Variants in WLS observed in about 807,000 individuals in gnomAD.
The protein encoded by WLS is Wnt ligand secretion mediator, also known as protein wntless homolog.
Under a neutral mutation model 62.8 loss-of-function variants are expected in WLS, and 23 were observed. The ratio of observed to expected loss-of-function variants is 0.37; its 90% CI spans 0.26 to 0.52. The LOEUF is 0.52. WLS is among the 20% of genes least tolerant of loss of function. The pLI is 0.92. For synonymous variants in WLS, 246 were observed against 244.1 expected, an observed-to-expected ratio of 1.01 and a Z score of -0.07; for missense variants, 615 against 697.3, an observed-to-expected ratio of 0.88 and a Z score of 1.33.
At chr1:68,182,680 A>G (rs1488019804) in intron 2 of WLS, among the ~76,000 whole-genome samples, 1 of 152,116 alleles carries the variant, frequency 6.6e-6, no homozygotes, top group Non-Finnish European at 1.5e-5. Context: ...TTTACCTAAC[A>G]CTACAAACCC....
At position 68,110,007 on chromosome 1, in the gene WLS, TAAA is replaced by T. The variant is rs11290966; in HGVS notation, c.1511-11257_1511-11255del. ...TTGCACTGGAACACAACACAAAAAG[TAAA>T]AAAAAAAAAAAAAAAAAAAAAAAAA... is the stretch of plus-strand genomic sequence containing the variant. On this transcript the variant is annotated intron_variant, in intron 11 of 11. Coordinates refer to the WLS transcript ENST00000354777. Among the ~76,000 whole-genome samples the T allele has an allele frequency of 5.9e-3, 167 of 28,398 alleles. 1 individual carries two copies. In the Middle Eastern group the frequency reaches 0.088, roughly 15 times the overall value. The allele number at this position is 28,398 out of a possible 152,430, so 18.6% of individuals were successfully genotyped here.
chr1:68,195,098 GAATTA>G (rs1174082985), intron 1 of WLS, among the ~76,000 whole-genome samples: 6 of 152,174 alleles, frequency 3.9e-5, no homozygotes, highest in Non-Finnish European at 5.9e-5. Flanking sequence ...GTTTACACAT[GAATTA>G]AATTGTGTAA....
At chr1:68,176,830 C>G (rs1169997949) in intron 2 of WLS, among the ~76,000 whole-genome samples, 1 of 152,218 alleles carries the variant, frequency 6.6e-6, no homozygotes, top group Admixed American at 6.5e-5. Flanking sequence ...TCTCCAGTAA[C>G]AGCCTCACAG....
At position 68,175,145 on chromosome 1, in the gene WLS, G is replaced by A. The variant is rs557736915; in HGVS notation, c.380-15898C>T. Among the ~76,000 whole-genome samples, 3 of 152,274 alleles carry A rather than the reference G, an allele frequency of 2.0e-5. No individual in the cohort carries two copies. The East Asian group carries it at 5.8e-4, about 29-fold the overall frequency. ...GAGCAATCGGGCACCATTTTCTGAT[G>A]CTGAAAAGATCTCAGAAATATGTTT... On this transcript the variant is annotated intron_variant, in intron 2 of 11. Transcript: ENST00000262348.
chr1:68,166,800 C>T (rs2566758), intron 2 of WLS, among the ~76,000 whole-genome samples: 82,491 of 151,988 alleles, frequency 0.54, 22,891 homozygotes, highest in East Asian at 0.8. Context: ...CCTTACTTCC[C>T]GTGCAATCTG....
chr1:68,193,794 G>T, intron 2 of WLS, 161 bp downstream of exon 2: 1 of 886,648 alleles, frequency 1.1e-6, no homozygotes, highest in Non-Finnish European at 1.7e-6. Flanking sequence ...AAGATTAAAT[G>T]GGTTAATACA....
chr1:68,102,133 T>C (rs1646087051), intron 11 of WLS, among the ~76,000 whole-genome samples: 1 of 152,160 alleles, frequency 6.6e-6, no homozygotes, highest in South Asian at 2.1e-4. Context: ...GCCTTTGGTA[T>C]TCCATTCAAC....
intron 10 of WLS, among the ~76,000 whole-genome samples, chr1:68,141,975 G>T (rs1218686459): frequency 2.0e-5 from 3 of 152,198 alleles, no homozygotes; most frequent in African/African-American, 7.2e-5. Flanking sequence ...CGGGCCGACT[G>T]TCGCAGCAGA....
At chr1:68,142,076 A>G (rs919915274) in intron 10 of WLS, among the ~76,000 whole-genome samples, 4 of 152,246 alleles carry the variant, frequency 2.6e-5, no homozygotes, top group East Asian at 3.8e-4. Context: ...GCCACGGACT[A>G]TGCTCCTTGG....
At chr1:68,164,500 C>T (rs540426533) in intron 2 of WLS, among the ~76,000 whole-genome samples, 11 of 152,232 alleles carry the variant, frequency 7.2e-5, no homozygotes, top group East Asian at 3.9e-4. Flanking sequence ...TCAGGTGATC[C>T]GCCTGCCTCA....
chr1:68,162,706 G>A, intron 2 of WLS: 1 of 1,206,772 alleles, frequency 8.3e-7, no homozygotes, highest in Non-Finnish European at 1.2e-6. Flanking sequence ...TTCCACGGCT[G>A]CAGACGGGAT....
At chr1:68,231,572 G>T in intron 1 of WLS, 1 of 145,094 alleles carries the variant, frequency 6.9e-6, no homozygotes, top group South Asian at 1.1e-4. Flanking sequence ...CCAACCTCCC[G>T]GCCGACAATT....
At position 68,187,073 on chromosome 1, in the gene WLS, G is replaced by C. The variant is rs188731443; in HGVS notation, c.379+6882C>G. On this transcript the variant is annotated intron_variant, in intron 2 of 11. Transcript: ENST00000262348. ...AAAAATACAAAAAAATTAGCCGGGC[G>C]TGGTGGCAGGCGCCTGTAGTCCCAG... Among the ~76,000 whole-genome samples, 4 of 151,340 alleles carry C rather than the reference G, an allele frequency of 2.6e-5. No homozygotes were observed. In the East Asian group the frequency reaches 7.8e-4, roughly 30 times the overall value.
chr1:68,153,115 C>T (rs1431440602), intron 5 of WLS, among the ~76,000 whole-genome samples: 1 of 151,874 alleles, frequency 6.6e-6, no homozygotes, highest in Non-Finnish European at 1.5e-5. Flanking sequence ...CCTGTCTCTA[C>T]AAAAAATACA....
At chr1:68,140,613 T>C (rs749584478) in intron 10 of WLS, among the ~76,000 whole-genome samples, 21 of 152,332 alleles carry the variant, frequency 1.4e-4, no homozygotes, top group Non-Finnish European at 2.2e-4. Flanking sequence ...TCCCGTCTCG[T>C]ACTTGCTCTG....
intron 1 of WLS, among the ~76,000 whole-genome samples, chr1:68,194,683 T>C (rs1033102623): frequency 6.6e-6 from 1 of 152,216 alleles, no homozygotes; most frequent in Non-Finnish European, 1.5e-5. Flanking sequence ...AAATCTGTAA[T>C]AGCTTCAGGA....
chr1:68,217,364 T>C (rs1649771485), intron 1 of WLS, among the ~76,000 whole-genome samples: 1 of 152,174 alleles, frequency 6.6e-6, no homozygotes, highest in Non-Finnish European at 1.5e-5. Context: ...CGCTACCCAA[T>C]GAACACATAC....
At chr1:68,099,285 A>G (rs56369906) in intron 11 of WLS, among the ~76,000 whole-genome samples, 3,288 of 152,300 alleles carry the variant, frequency 0.022, 60 homozygotes, top group Non-Finnish European at 0.032. Context: ...GACAGGAAAA[A>G]GATCTGGTAG....
chr1:68,210,049 T>C (rs1420144001), intron 1 of WLS, among the ~76,000 whole-genome samples: 1 of 152,188 alleles, frequency 6.6e-6, no homozygotes, highest in Non-Finnish European at 1.5e-5. Flanking sequence ...TATGGACTAT[T>C]GTAGAGGTTG....
Sources: gnomAD v4.1 joint callset for allele counts (sites outside exome capture counted in the v4.1 genomes callset) on GRCh38, gnomAD v4.1.1 for gene constraint, MANE v1.5 for transcripts, NCBI Gene and HGNC (gene_info 2026-07-23, HGNC 2026-07-21) for gene names.